The following CFAP92 variants were observed in gnomAD, a reference collection of about 807,000 sequenced individuals.
CFAP92 encodes the protein cilia and flagella associated protein 92 (putative), also known as uncharacterized protein CFAP92.
CFAP92 carries 86 observed loss-of-function variants against 106.3 expected under a neutral mutation model. The ratio of observed to expected loss-of-function variants is 0.81; its 90% CI spans 0.68 to 0.97. The LOEUF is 0.97. Among genes scored for constraint, CFAP92 ranks in the 50% least tolerant of loss-of-function variants. The pLI, the probability that CFAP92 is intolerant of heterozygous loss-of-function variation, is 0.00. For missense variants in CFAP92, 1,204 were observed against 1,283.8 expected (o/e 0.94, Z 0.95); for synonymous variants, 477 against 506.4 (o/e 0.94, Z 0.78).
chr3:128,946,121 A>G (rs1940190152), intron 9 of CFAP92, 146 bp from the exon 10 acceptor site: 2 of 543,322 alleles, frequency 3.7e-6, no homozygotes, highest in Non-Finnish European at 6.2e-6. Flanking sequence ...CATAAGAGAC[A>G]CTACTGTGCA....
rs577303435 is a variant in CFAP92 at position 128,915,120 on chromosome 3, T to G, written c.3279A>C (p.Thr1093=). The G allele has an allele frequency of 3.1e-5, 47 of 1,535,666 alleles. No homozygotes were observed. In the African/African-American group the frequency reaches 5.6e-4, roughly 18 times the overall value. Residue 1093 remains threonine, a splice_region_variant and synonymous_variant, in exon 15 of 16, where the codon ACA becomes ACC. Transcript: ENST00000645291. ...LLPSPAPKPV[T]VRKKKGNSPI... is the part of the protein sequence containing the mutation. ...GCTTGGCAAACCCTTGCCTGTTACC[T>G]GTTACAGGCTTTGGTGCGGGCGAAG...
intron 12 of CFAP92, among the ~76,000 whole-genome samples, chr3:128,917,190 G>A (rs891983262): frequency 6.6e-6 from 1 of 152,194 alleles, no homozygotes; most frequent in Non-Finnish European, 1.5e-5. Context: ...CATAGAGCAA[G>A]GATCCTGTCA....
At chr3:128,964,643 C>T (rs147912447) in intron 9 of CFAP92, among the ~76,000 whole-genome samples, 1 of 152,176 alleles carries the variant, frequency 6.6e-6, no homozygotes, top group African/African-American at 2.4e-5. Flanking sequence ...ATTCTTAGAC[C>T]TTTTATACCT....
intron 8 of CFAP92, chr3:128,967,360 C>CATT (rs758151118): frequency 1.3e-5 from 2 of 152,162 alleles, no homozygotes; most frequent in African/African-American, 2.4e-5. Flanking sequence ...AGCTGTCACC[C>CATT]ATTACGCCTG....
chr3:128,965,827 A>G, intron 8 of CFAP92, 132 bp from the exon 9 acceptor site: 1 of 395,824 alleles, frequency 2.5e-6, no homozygotes, highest in East Asian at 3.6e-5. Flanking sequence ...TTAAAAAAAA[A>G]AAAGAAAAGA....
At chr3:128,970,960 C>T (rs1942747420) in intron 8 of CFAP92, 1 of 385,312 alleles carries the variant, frequency 2.6e-6, no homozygotes, top group East Asian at 4.5e-5. Context: ...TGTAGGAAAG[C>T]ATTTATTAAA....
At chr3:129,012,585 G>C in the CFAP92 span, among the ~76,000 whole-genome samples, 3 of 152,172 alleles carry the variant, frequency 2.0e-5, no homozygotes, top group African/African-American at 7.2e-5. Context: ...GCCCAGCCTG[G>C]GTCACAGCCC....
chr3:128,963,403 C>T (rs1046606420), intron 9 of CFAP92, among the ~76,000 whole-genome samples: 8 of 152,228 alleles, frequency 5.3e-5, no homozygotes, highest in South Asian at 2.1e-4. Flanking sequence ...AAACTATGCT[C>T]AACTCACTCT....
At chr3:128,956,446 A>C (rs1407133765) in intron 9 of CFAP92, among the ~76,000 whole-genome samples, 2 of 152,168 alleles carry the variant, frequency 1.3e-5, no homozygotes, top group South Asian at 2.1e-4. Context: ...AAAATACATA[A>C]GCCTATAGAT....
rs201686486 is a variant in CFAP92, at chr3:128,914,627, CAG to C, written c.3280+490_3280+491del. 1,390 of 153,570 alleles carry C rather than the reference CAG, an allele frequency of 9.1e-3. 26 individuals carry two copies. The highest frequency in any genetic ancestry group is 0.031 in the African/African-American group (1,294 of 41,562). The allele number at this position is 153,570 out of a possible 1,614,324, so 9.5% of individuals were successfully genotyped here. A position where few individuals can be genotyped will look rare whatever the true frequency, so the allele number is the denominator to read the frequency against. On this transcript the variant is annotated intron_variant, in intron 15 of 15. Transcript: ENST00000645291. ...TGATCCTGAGATCAATTTTCATAAA[CAG>C]GGATAAAGAGGAAGAGGACTTGGAG...
chr3:128,923,169 G>A (rs1038925770), intron 12 of CFAP92, among the ~76,000 whole-genome samples: 54 of 152,336 alleles, frequency 3.5e-4, no homozygotes, highest in African/African-American at 1.1e-3. Flanking sequence ...TGAACAAGCC[G>A]TGTGGGTGCC....
At chr3:128,999,325 C>T (rs566576050) in intron 1 of CFAP92, among the ~76,000 whole-genome samples, 2 of 152,240 alleles carry the variant, frequency 1.3e-5, no homozygotes, top group African/African-American at 2.4e-5. Context: ...CATTATCAAC[C>T]CTTACTTCCC....
intron 10 of CFAP92, among the ~76,000 whole-genome samples, chr3:128,939,363 T>G (rs141605752): frequency 0.018 from 2,784 of 152,094 alleles, 90 homozygotes; most frequent in African/African-American, 0.063. Context: ...GGTCTCAAAC[T>G]CCTGACCTTG....
At chr3:128,921,453 C>T (rs1382013384) in intron 12 of CFAP92, among the ~76,000 whole-genome samples, 1 of 152,222 alleles carries the variant, frequency 6.6e-6, no homozygotes, top group Non-Finnish European at 1.5e-5. Flanking sequence ...AGGGAAGGTT[C>T]AGTTAGCTGA....
intron 11 of CFAP92, among the ~76,000 whole-genome samples, chr3:128,934,481 A>C (rs145941739): frequency 0.016 from 2,450 of 152,062 alleles, 41 homozygotes; most frequent in South Asian, 0.06. Context: ...GGCCTCTCAA[A>C]GTGTTGGGAT....
chr3:129,003,913 G>A (rs987797347), upstream of CFAP92: 8 of 1,344,538 alleles, frequency 5.9e-6, 1 homozygote, highest in Admixed American at 7.3e-5. Flanking sequence ...CCCGCGCTGG[G>A]CGGCTGCGCC....
chr3:128,945,887 TAAAC>T lies in CFAP92; in HGVS notation c.1438_1441del (p.Val480IlefsTer18). The T allele has an allele frequency of 6.8e-7, 1 of 1,469,250 alleles. No homozygotes were observed. The highest frequency in any genetic ancestry group is 8.9e-7 in the Non-Finnish European group (1 of 1,118,846). The allele number at this position is 1,469,250 out of a possible 1,614,324, so 91.0% of individuals were successfully genotyped here. ...GAAGATGACGTTGATGTCCTGGAAA[TAAAC>T]GTGGGTTCCATGGGGCTCCCCCTTG... On this transcript the variant is annotated frameshift_variant, in exon 10 of 16. Coordinates refer to ENST00000645291, the MANE Select transcript of CFAP92 (RefSeq NM_001394090.1). LOFTEE classifies it high-confidence loss of function.
Position 128,932,710 on chromosome 3 carries a change from C to G in CFAP92, c.2741G>C (p.Ser914Thr), listed in dbSNP as rs1399980970. ...AGGAAGGCGGCCCACCTGGATGAAA[C>G]TGTGCTTTTTGTCTTTGTTCTTCAT... ...MLMKNKDKKHSFIQKNITEAY... is the reference protein window; with the variant it reads ...MLMKNKDKKHTFIQKNITEAY... Residue 914 changes from serine (S) to threonine (T), a missense_variant, in exon 12 of 16, where the codon AGT becomes ACT. By Grantham distance (58) the Ser-to-Thr change is moderately conservative. Transcript: ENST00000645291. 2 of 1,532,072 alleles carry G rather than the reference C, an allele frequency of 1.3e-6. No individual in the cohort carries two copies. Among genetic ancestry groups the G allele is most frequent in the Admixed American group, 2.0e-5 (1 of 50,904 alleles). The allele number at this position is 1,532,072 out of a possible 1,614,324, so 94.9% of individuals were successfully genotyped here. A position where few individuals can be genotyped will look rare whatever the true frequency, so the allele number is the denominator to read the frequency against.
chr3:129,010,678 G>A, the CFAP92 span, among the ~76,000 whole-genome samples: 1 of 152,198 alleles, frequency 6.6e-6, no homozygotes, highest in Admixed American at 6.5e-5. This position sits in a 1 kb window ranked among gnomAD's most constrained non-coding sequence, Gnocchi z 4.3. Context: ...AGGGTGGGAG[G>A]GAGGCAGATG....
Sources: allele counts gnomAD v4.1 joint callset (sites outside exome capture counted in the v4.1 genomes callset), GRCh38; gene constraint gnomAD v4.1.1; non-coding constraint Gnocchi (gnomAD v3.1); transcripts MANE v1.5; gene names NCBI Gene and HGNC (gene_info 2026-07-23, HGNC 2026-07-21).